The following RTN3 variants were observed in gnomAD, a reference collection of about 807,000 sequenced individuals.
RTN3 encodes reticulon 3.
In RTN3, 49 loss-of-function variants were observed where a neutral mutation model predicts 77.8. The ratio of observed to expected loss-of-function variants is 0.63; its 90% CI spans 0.50 to 0.80. The LOEUF is 0.80. RTN3 is among the 30% of genes least tolerant of loss of function. The probability of loss-of-function intolerance (pLI) is 0.00; values close to 1 mark genes in which losing one functional copy is unlikely to be tolerated. For synonymous variants in RTN3, 464 were observed against 446.9 expected, an observed-to-expected ratio of 1.04 and a Z score of -0.48; for missense variants, 1,236 against 1,211.9, an observed-to-expected ratio of 1.02 and a Z score of -0.29.
At chr11:63,704,985 C>G in intron 2 of RTN3, 78 bp downstream of exon 2, 9 of 1,054,074 alleles carry the variant, frequency 8.5e-6, no homozygotes, top group Non-Finnish European at 1.2e-5. Flanking sequence ...ATACGAGGCA[C>G]AAGTCTTCTA....
intron 3 of RTN3, among the ~76,000 whole-genome samples, chr11:63,741,660 C>A (rs926903807): frequency 6.6e-6 from 1 of 151,930 alleles, no homozygotes; most frequent in Non-Finnish European, 1.5e-5. Context: ...ACCACCATGC[C>A]CAGCTAACTT....
rs201422766 is a variant in RTN3, at chr11:63,704,927, G to A, written c.199+20G>A. On this transcript the variant is annotated intron_variant, in intron 2 of 8. Transcript: ENST00000377819. The stretch of plus-strand genomic sequence containing the variant: ...CACAAGGCAAGTCTGTAATTTTTTT[G>A]TGTGCATTGGTAAAAGAAAAATGTT... The A allele has an allele frequency of 6.3e-7, 1 of 1,578,044 alleles. No individual in the cohort carries two copies. The highest frequency in any genetic ancestry group is 8.7e-7 in the Non-Finnish European group (1 of 1,148,130).
chr11:63,748,459 G>A (rs976454993), intron 3 of RTN3, among the ~76,000 whole-genome samples: 3 of 147,530 alleles, frequency 2.0e-5, no homozygotes, highest in South Asian at 2.2e-4. Flanking sequence ...GTGATTTCTC[G>A]TGCCTCAGCC....
chr11:63,756,178 CATTT>C lies in RTN3; in HGVS notation c.3053+10_3053+13del. 6.3e-7 allele frequency: 1 copy of C among 1,595,802 alleles called. No individual in the cohort carries two copies. Among genetic ancestry groups the C allele is most frequent in the Non-Finnish European group, 8.6e-7 (1 of 1,163,376 alleles). On this transcript the variant is annotated intron_variant, in intron 8 of 8. Transcript: ENST00000377819. ...CAAGTCAATTGTTGAAAAGTAAGTA[CATTT>C]AGAGACCACATCATCATGAGGTATG...
Position 63,759,757 on chromosome 11 carries a change from A to G in RTN3, c.*1556A>G, listed in dbSNP as rs1246945763. 1.3e-5 allele frequency: 2 copies of G among 151,158 alleles called. No individual in the cohort carries two copies. The highest frequency in any genetic ancestry group is 2.9e-5 in the Non-Finnish European group (2 of 67,892). 9.4% of individuals were successfully genotyped at this position (151,158 alleles called of 1,614,324 possible). ...TTTAAGAAAAACCTATAGATGAAAA[A>G]TTACTAATGAAACTGTGTGTACGTG... On this transcript the variant is annotated 3_prime_UTR_variant, in exon 9 of 9. Transcript: ENST00000377819.
In RTN3 at chr11:63,734,607, C is replaced by T. The variant is rs1473449777; in HGVS notation, c.2530+13575C>T. The stretch of plus-strand genomic sequence containing the variant: ...ATTAGCCAGGCATGGTGGCACACAC[C>T]TGTAATCCCAGCTACTCAGGAGGCT... On this transcript the variant is annotated intron_variant, in intron 3 of 8. Coordinates refer to ENST00000377819, the MANE Select transcript of RTN3 (RefSeq NM_001265589.2). 3.3e-5 allele frequency among the ~76,000 whole-genome samples: 5 copies of T among 151,242 alleles called. No homozygotes were observed. In the East Asian group the frequency reaches 5.8e-4, roughly 18 times the overall value.
At chr11:63,692,446 G>C (rs1020691442) in intron 1 of RTN3, among the ~76,000 whole-genome samples, 2 of 151,768 alleles carry the variant, frequency 1.3e-5, no homozygotes, top group African/African-American at 4.8e-5. Flanking sequence ...CCTGCAACCC[G>C]GCCAAATCAT....
At chr11:63,733,698 T>G (rs540890727) in intron 3 of RTN3, among the ~76,000 whole-genome samples, 1 of 150,868 alleles carries the variant, frequency 6.6e-6, no homozygotes, top group African/African-American at 2.4e-5. Flanking sequence ...AGTGAGACCC[T>G]GTCTCTACCA....
At chr11:63,712,870 C>G (rs1008371820) in intron 2 of RTN3, among the ~76,000 whole-genome samples, 2 of 152,088 alleles carry the variant, frequency 1.3e-5, no homozygotes, top group South Asian at 4.1e-4. Context: ...CCGAGGCAGG[C>G]GAATCACCTG....
intron 3 of RTN3, among the ~76,000 whole-genome samples, chr11:63,731,343 G>A (rs2012678339): frequency 6.6e-6 from 1 of 152,118 alleles, no homozygotes; most frequent in African/African-American, 2.4e-5. Flanking sequence ...GCCTCCCAAA[G>A]TACTGGGATT....
Position 63,717,715 on chromosome 11 carries a change from A to G in RTN3, c.200-987A>G, listed in dbSNP as rs187317602. ...ATATTGATTTAAATGACAAGTTAGT[A>G]CAAGAGATTTTGGAGGGGCCAGGCG... On this transcript the variant is annotated intron_variant, in intron 2 of 8. Coordinates refer to ENST00000377819, the MANE Select transcript of RTN3 (RefSeq NM_001265589.2). 1.7e-4 allele frequency among the ~76,000 whole-genome samples: 26 copies of G among 152,224 alleles called. 1 individual carries two copies. The highest frequency in any genetic ancestry group is 1.5e-3 in the Admixed American group (23 of 15,294).
At chr11:63,718,167 C>A (rs1280615397) in intron 2 of RTN3, among the ~76,000 whole-genome samples, 1 of 151,882 alleles carries the variant, frequency 6.6e-6, no homozygotes, top group Non-Finnish European at 1.5e-5. Flanking sequence ...CAGGAAGGGC[C>A]CATTGCATCT....
chr11:63,685,095 A>G (rs1476687764), intron 1 of RTN3, among the ~76,000 whole-genome samples: 2 of 152,178 alleles, frequency 1.3e-5, no homozygotes, highest in Non-Finnish European at 2.9e-5. Flanking sequence ...TCCATTGCAA[A>G]TGTGCATTCA....
At chr11:63,709,282 A>G (rs905955572) in intron 2 of RTN3, among the ~76,000 whole-genome samples, 3 of 152,204 alleles carry the variant, frequency 2.0e-5, no homozygotes, top group African/African-American at 7.2e-5. Context: ...ATTTAGTATC[A>G]TCTGGGGTAT....
chr11:63,735,611 C>CTCTCT (rs2013069073), intron 3 of RTN3, among the ~76,000 whole-genome samples: 6 of 46,474 alleles, frequency 1.3e-4, no homozygotes, highest in Non-Finnish European at 2.6e-4. Flanking sequence ...TTTCTTTCAA[C>CTCTCT]CCCTGTTTCC....
chr11:63,744,973 T>TA (rs1489925796), intron 3 of RTN3, among the ~76,000 whole-genome samples: 11 of 152,084 alleles, frequency 7.2e-5, no homozygotes, highest in Non-Finnish European at 1.3e-4. Context: ...ACCTGGGCGA[T>TA]ACAACCAGAC....
At chr11:63,750,221 A>C (rs780322348) in intron 4 of RTN3, 23 bp downstream of exon 4, 1 of 1,583,684 alleles carries the variant, frequency 6.3e-7, no homozygotes, top group East Asian at 2.2e-5. Flanking sequence ...CTTAAAAGCA[A>C]CATTCTACAT....
intron 3 of RTN3, among the ~76,000 whole-genome samples, chr11:63,722,308 T>C (rs1266798756): frequency 6.6e-6 from 1 of 152,228 alleles, no homozygotes; most frequent in Non-Finnish European, 1.5e-5. Context: ...TTTGTTAGGC[T>C]AAATGTATTT....
intron 3 of RTN3, among the ~76,000 whole-genome samples, chr11:63,731,719 C>T (rs1482169891): frequency 6.6e-6 from 1 of 152,142 alleles, no homozygotes; most frequent in Non-Finnish European, 1.5e-5. Flanking sequence ...GTGGCACAAT[C>T]CCGGCTCACT....
Sources: allele counts gnomAD v4.1 joint callset (sites outside exome capture counted in the v4.1 genomes callset), GRCh38; gene constraint gnomAD v4.1.1; transcripts MANE v1.5; gene names NCBI Gene and HGNC (gene_info 2026-07-23, HGNC 2026-07-21).